The following ADAMTSL1 variants were observed in gnomAD, a reference collection of about 807,000 sequenced individuals.
ADAMTSL1 encodes ADAMTS-like protein 1.
Under a neutral mutation model 201.8 loss-of-function variants are expected in ADAMTSL1, and 126 were observed. The ratio of observed to expected loss-of-function variants is 0.62; its 90% confidence interval spans 0.54 to 0.72. The LOEUF (loss-of-function observed/expected upper bound fraction) is 0.72, where lower values mean the gene tolerates loss of function less well. Ranked by LOEUF, ADAMTSL1 falls within the 30% of genes least tolerant of loss-of-function variation. The pLI, the probability that ADAMTSL1 is intolerant of heterozygous loss-of-function variation, is 0.00. For missense variants in ADAMTSL1, 2,679 were observed against 2,277.8 expected, an observed-to-expected ratio of 1.18 and a Z score of -3.59; for synonymous variants, 1,121 against 903.4, an observed-to-expected ratio of 1.24 and a Z score of -4.32.
intron 1 of ADAMTSL1, among the ~76,000 whole-genome samples, chr9:18,079,046 G>C (rs1347178265): frequency 6.6e-6 from 1 of 152,144 alleles, no homozygotes; most frequent in African/African-American, 2.4e-5. Context: ...CCAGAGGTGT[G>C]CTGTACTGAA....
At chr9:18,660,983 A>T (rs748154518) in intron 8 of ADAMTSL1, among the ~76,000 whole-genome samples, 3 of 152,146 alleles carry the variant, frequency 2.0e-5, no homozygotes, top group African/African-American at 7.2e-5. Flanking sequence ...ACCGTGTTCA[A>T]CCCACCTGCT....
intron 2 of ADAMTSL1, among the ~76,000 whole-genome samples, chr9:18,287,892 C>G (rs891106085): frequency 3.3e-5 from 5 of 152,136 alleles, no homozygotes; most frequent in African/African-American, 1.2e-4. Context: ...AAGTTTTTCT[C>G]CTACTCCCTG....
chr9:17,913,406 C>T (rs1825967140), intron 1 of ADAMTSL1, among the ~76,000 whole-genome samples: 1 of 152,078 alleles, frequency 6.6e-6, no homozygotes, highest in Non-Finnish European at 1.5e-5. Context: ...TGAAGAGGTC[C>T]TTCACATCCC....
chr9:18,770,386 T>G (rs1440011777), intron 16 of ADAMTSL1, among the ~76,000 whole-genome samples: 2 of 152,222 alleles, frequency 1.3e-5, no homozygotes, highest in Non-Finnish European at 2.9e-5. Context: ...GATGCTCTAG[T>G]TAAATACCTG....
At chr9:17,984,897 T>A (rs1210561575) in intron 1 of ADAMTSL1, among the ~76,000 whole-genome samples, 1 of 152,292 alleles carries the variant, frequency 6.6e-6, no homozygotes. Flanking sequence ...TAATTTTAAA[T>A]GTTACTTAAA....
chr9:18,835,229 A>T (rs1330705582), intron 23 of ADAMTSL1, among the ~76,000 whole-genome samples: 1 of 152,088 alleles, frequency 6.6e-6, no homozygotes, highest in Non-Finnish European at 1.5e-5. Context: ...GTAGTGTTGA[A>T]CATGTATTCA....
intron 2 of ADAMTSL1, among the ~76,000 whole-genome samples, chr9:18,449,496 T>C (rs534878291): frequency 7.2e-5 from 11 of 152,220 alleles, no homozygotes; most frequent in African/African-American, 2.6e-4. Context: ...ACTTAATATA[T>C]TCAGAAATAA....
intron 1 of ADAMTSL1, among the ~76,000 whole-genome samples, chr9:18,480,841 G>T (rs1228531850): frequency 6.6e-6 from 1 of 152,134 alleles, no homozygotes; most frequent in Non-Finnish European, 1.5e-5. Context: ...ATAGGAAAAT[G>T]GGTCCATTTT....
chr9:18,437,374 G>C (rs928225050), intron 2 of ADAMTSL1, among the ~76,000 whole-genome samples: 1 of 152,078 alleles, frequency 6.6e-6, no homozygotes, highest in Non-Finnish European at 1.5e-5. Flanking sequence ...TTTGTTCAGA[G>C]TCTGATTTGT....
intron 17 of ADAMTSL1, among the ~76,000 whole-genome samples, chr9:18,773,975 T>C (rs1459967528): frequency 6.6e-6 from 1 of 152,246 alleles, no homozygotes; most frequent in Non-Finnish European, 1.5e-5. Flanking sequence ...CATCTTAAAT[T>C]TCTTTCAGGG....
chr9:18,258,106 G>A (rs1831764072), intron 2 of ADAMTSL1, among the ~76,000 whole-genome samples: 1 of 152,082 alleles, frequency 6.6e-6, no homozygotes. Flanking sequence ...CTTAAAAATA[G>A]GTAAAATGGC....
At chr9:18,214,783 AAT>A (rs1226352926) in intron 2 of ADAMTSL1, among the ~76,000 whole-genome samples, 3 of 152,190 alleles carry the variant, frequency 2.0e-5, no homozygotes, top group Non-Finnish European at 2.9e-5. Flanking sequence ...TTTTAGAGAA[AAT>A]AGTTTTACTA....
chr9:18,395,726 T>A (rs1380862841), intron 2 of ADAMTSL1, among the ~76,000 whole-genome samples: 1 of 152,162 alleles, frequency 6.6e-6, no homozygotes, highest in Admixed American at 6.6e-5. Flanking sequence ...TGAAACTGAC[T>A]GGTGATGAAA....
chr9:18,403,990 G>A (rs1487718780), intron 2 of ADAMTSL1, among the ~76,000 whole-genome samples: 1 of 152,064 alleles, frequency 6.6e-6, no homozygotes, highest in Non-Finnish European at 1.5e-5. Context: ...GTGCCCCGTG[G>A]AAGGATCAAT....
chr9:18,303,875 C>A (rs1442588666), intron 2 of ADAMTSL1, among the ~76,000 whole-genome samples: 1 of 152,138 alleles, frequency 6.6e-6, no homozygotes, highest in Non-Finnish European at 1.5e-5. Context: ...CTGCACCCTG[C>A]TATGCTGTCT....
At chr9:18,332,945 C>A (rs147110447) in intron 2 of ADAMTSL1, among the ~76,000 whole-genome samples, 3 of 152,058 alleles carry the variant, frequency 2.0e-5, no homozygotes, top group African/African-American at 4.8e-5. Flanking sequence ...CATCTGTAAG[C>A]GTATGAGGAA....
At chr9:18,253,629 A>G (rs924067543) in intron 2 of ADAMTSL1, among the ~76,000 whole-genome samples, 1 of 152,158 alleles carries the variant, frequency 6.6e-6, no homozygotes, top group Non-Finnish European at 1.5e-5. Context: ...AAGTCAGGGG[A>G]AAATGCTTCT....
At chr9:18,893,446 AC>A (rs1439378877) in intron 26 of ADAMTSL1, among the ~76,000 whole-genome samples, 1 of 151,242 alleles carries the variant, frequency 6.6e-6, no homozygotes, top group African/African-American at 2.4e-5. Context: ...CAAAAAATTC[AC>A]CCCCTCCTCC....
chr9:18,592,538 G>A (rs763060446), intron 4 of ADAMTSL1, among the ~76,000 whole-genome samples: 6 of 152,028 alleles, frequency 3.9e-5, no homozygotes, highest in Non-Finnish European at 5.9e-5. Flanking sequence ...GTCAACTTTC[G>A]ATGGCCGACC....
Sources: gnomAD v4.1 joint callset for allele counts (sites outside exome capture counted in the v4.1 genomes callset) on GRCh38, gnomAD v4.1.1 for gene constraint, MANE v1.5 for transcripts, NCBI Gene and HGNC (gene_info 2026-07-23, HGNC 2026-07-21) for gene names.